Variants in SLC35F3 observed in about 807,000 individuals in gnomAD.
The protein encoded by SLC35F3 is solute carrier family 35 member F3.
SLC35F3 carries 25 observed loss-of-function variants against 49.9 expected under a neutral mutation model. The ratio of observed to expected loss-of-function variants is 0.50; its 90% CI spans 0.37 to 0.70. The LOEUF is 0.70. Ranked by LOEUF, SLC35F3 falls within the 30% of genes least tolerant of loss-of-function variation. The pLI is 0.00. For synonymous variants in SLC35F3, 275 were observed against 265.4 expected (o/e 1.04, Z -0.35); for missense variants, 525 against 639.8 (o/e 0.82, Z 1.94).
intron 2 of SLC35F3, among the ~76,000 whole-genome samples, chr1:233,941,383 A>G (rs1662417631): frequency 6.6e-6 from 1 of 152,190 alleles, no homozygotes; most frequent in African/African-American, 2.4e-5. Context: ...TATGTCTTTA[A>G]GGCTACTATA....
intron 2 of SLC35F3, among the ~76,000 whole-genome samples, chr1:234,017,715 GAAA>G (rs35271984): frequency 1.1e-5 from 1 of 91,764 alleles, no homozygotes; most frequent in Admixed American, 1.3e-4. Context: ...CTTTGTCTCA[GAAA>G]AAAAAAAAAA....
In SLC35F3 at chr1:234,231,868, G is replaced by A; in HGVS notation, c.608+127G>A. On this transcript the variant is annotated intron_variant, in intron 3 of 7. Coordinates refer to ENST00000366618, the MANE Select transcript of SLC35F3 (RefSeq NM_173508.4). This position sits in a 1 kb window ranked among gnomAD's most constrained non-coding sequence, Gnocchi z 5.4. ...TGGGAGCCCGTGGAGAGATGTTGCA[G>A]TGAATGCACCTGCTCTCAGTGGGGT... 1.1e-6 allele frequency: 1 copy of A among 898,038 alleles called. No individual in the cohort carries two copies. The highest frequency in any genetic ancestry group is 1.7e-6 in the Non-Finnish European group (1 of 578,702). 55.6% of individuals were successfully genotyped at this position (898,038 alleles called of 1,614,324 possible).
At position 233,940,280 on chromosome 1, in the gene SLC35F3, A is replaced by T. The variant is rs1053167750; in HGVS notation, c.283+34522A>T. Among the ~76,000 whole-genome samples, 3 of 152,264 alleles carry T rather than the reference A, an allele frequency of 2.0e-5. No individual in the cohort carries two copies. The South Asian group carries it at 6.2e-4, about 32-fold the overall frequency. On this transcript the variant is annotated intron_variant, in intron 2 of 7. Transcript: ENST00000366618. ...ACAGAGGAAAAAAAGCAGCATATGA[A>T]TATTGAACTTATTTCTATTTAAGTA...
intron 2 of SLC35F3, among the ~76,000 whole-genome samples, chr1:234,049,225 C>A (rs1424169383): frequency 6.6e-6 from 1 of 152,092 alleles, no homozygotes; most frequent in Admixed American, 6.5e-5. Flanking sequence ...TTGTACCCCC[C>A]ACCCCAATAC....
intron 2 of SLC35F3, among the ~76,000 whole-genome samples, chr1:234,219,802 A>G (rs768646819): frequency 1.6e-4 from 24 of 152,172 alleles, no homozygotes; most frequent in Non-Finnish European, 3.2e-4. Flanking sequence ...CTAAACATTT[A>G]TTGGAACTGC....
intron 2 of SLC35F3, among the ~76,000 whole-genome samples, chr1:234,148,016 T>G (rs1245990491): frequency 2.0e-5 from 3 of 152,186 alleles, no homozygotes; most frequent in Non-Finnish European, 4.4e-5. Context: ...TCACTGATTA[T>G]AACGGCAAGA....
chr1:233,971,655 T>C (rs1030806003), intron 2 of SLC35F3, among the ~76,000 whole-genome samples: 1 of 150,016 alleles, frequency 6.7e-6, no homozygotes, highest in African/African-American at 2.5e-5. Context: ...GAGGTGGAGA[T>C]TGCAGTGAGC....
rs369077916 is a variant in SLC35F3 at position 234,231,186 on chromosome 1, C to T, written c.284-231C>T. Among the ~76,000 whole-genome samples, 32 of 152,316 alleles carry T rather than the reference C, an allele frequency of 2.1e-4. 2 individuals are homozygous for T. In the South Asian group the frequency reaches 2.3e-3, roughly 11 times the overall value. Reference sequence around the variant, plus strand: ...GACGGGGAAGGGTGCTGACGCTGCCCGGCCCAGGGACCACACTTGGAGAGC... The same window carrying T: ...GACGGGGAAGGGTGCTGACGCTGCCTGGCCCAGGGACCACACTTGGAGAGC... On this transcript the variant is annotated intron_variant, in intron 2 of 7. Coordinates refer to ENST00000366618, the MANE Select transcript of SLC35F3 (RefSeq NM_173508.4). This position sits in a 1 kb window ranked among gnomAD's most constrained non-coding sequence, Gnocchi z 5.4.
At chr1:234,190,700 C>A (rs1221950340) in intron 2 of SLC35F3, among the ~76,000 whole-genome samples, 1 of 152,168 alleles carries the variant, frequency 6.6e-6, no homozygotes, top group Non-Finnish European at 1.5e-5. Context: ...TTAAACTATA[C>A]CCTAGAACAA....
chr1:234,128,183 C>G (rs999973932), intron 2 of SLC35F3, among the ~76,000 whole-genome samples: 3 of 152,090 alleles, frequency 2.0e-5, no homozygotes, highest in African/African-American at 7.2e-5. Context: ...ACAGTGGGAG[C>G]AGGAAGGAAG....
intron 2 of SLC35F3, among the ~76,000 whole-genome samples, chr1:234,098,514 G>C (rs959618256): frequency 7.3e-5 from 11 of 151,068 alleles, no homozygotes; most frequent in Non-Finnish European, 1.5e-4. Context: ...GATGGTGGTG[G>C]TAGTGACTGT....
At chr1:234,032,024 G>A (rs185112086) in intron 2 of SLC35F3, among the ~76,000 whole-genome samples, 9 of 152,250 alleles carry the variant, frequency 5.9e-5, no homozygotes, top group Admixed American at 5.9e-4. Context: ...AAGGCAACCT[G>A]TTTTAGTTTT....
At chr1:233,979,811 A>G (rs1223327312) in intron 2 of SLC35F3, among the ~76,000 whole-genome samples, 1 of 152,188 alleles carries the variant, frequency 6.6e-6, no homozygotes, top group African/African-American at 2.4e-5. Context: ...CCACAGGCAT[A>G]TGAAAATTAA....
intron 2 of SLC35F3, among the ~76,000 whole-genome samples, chr1:233,949,119 A>G (rs192333409): frequency 6.6e-6 from 1 of 152,200 alleles, no homozygotes; most frequent in Non-Finnish European, 1.5e-5. Flanking sequence ...TGGGAGAACA[A>G]GCCCATGGAT....
At chr1:234,309,359 C>A in intron 4 of SLC35F3, 39 bp downstream of exon 4, 1 of 1,586,230 alleles carries the variant, frequency 6.3e-7, no homozygotes, top group South Asian at 1.1e-5. Flanking sequence ...CTCACTCAGT[C>A]ATGTCAACCA....
chr1:234,244,425 C>G (rs1294192407), intron 3 of SLC35F3, among the ~76,000 whole-genome samples: 1 of 152,036 alleles, frequency 6.6e-6, no homozygotes, highest in African/African-American at 2.4e-5. Flanking sequence ...ATATCAATAT[C>G]ATGTTCACAA....
intron 2 of SLC35F3, among the ~76,000 whole-genome samples, chr1:233,912,089 T>G (rs1661883233): frequency 6.6e-6 from 1 of 152,204 alleles, no homozygotes; most frequent in South Asian, 2.1e-4. Context: ...CCTGCAGCCC[T>G]GAGGGGTGTC....
At chr1:234,176,477 C>G (rs1337721092) in intron 2 of SLC35F3, among the ~76,000 whole-genome samples, 1 of 152,160 alleles carries the variant, frequency 6.6e-6, no homozygotes, top group Admixed American at 6.5e-5. Flanking sequence ...ACCCCAGAGC[C>G]CCCTCACCCA....
intron 2 of SLC35F3, among the ~76,000 whole-genome samples, chr1:233,981,933 T>C (rs1663192526): frequency 6.6e-6 from 1 of 152,216 alleles, no homozygotes; most frequent in African/African-American, 2.4e-5. Flanking sequence ...TTGAACGTTT[T>C]TTTGTTGTTG....
Sources: allele counts gnomAD v4.1 joint callset (sites outside exome capture counted in the v4.1 genomes callset), GRCh38; gene constraint gnomAD v4.1.1; non-coding constraint Gnocchi (gnomAD v3.1); transcripts MANE v1.5; gene names NCBI Gene and HGNC (gene_info 2026-07-23, HGNC 2026-07-21).